The following ESRRG variants were observed in gnomAD, a reference collection of about 807,000 sequenced individuals.
ESRRG encodes estrogen related receptor gamma, also known as estrogen-related receptor gamma.
A neutral mutation model predicts 44.0 loss-of-function variants in ESRRG; 13 were observed. That is an observed-to-expected ratio of 0.30 (90% confidence interval 0.19 to 0.47). The LOEUF (loss-of-function observed/expected upper bound fraction) is 0.47. ESRRG is among the 20% of genes least tolerant of loss of function. The pLI is 1.00. For synonymous variants in ESRRG, 215 were observed against 214.6 expected (o/e 1.00, Z -0.02); for missense variants, 395 against 580.6 (o/e 0.68, Z 3.29).
chr1:217,121,371 T>C (rs1430677622), intron 1 of ESRRG, among the ~76,000 whole-genome samples: 1 of 151,718 alleles, frequency 6.6e-6, no homozygotes, highest in Non-Finnish European at 1.5e-5. Flanking sequence ...CACTGAAGGG[T>C]TGTAAAAAGG....
Position 216,505,804 on chromosome 1 carries a change from T to C in ESRRG, c.*1135A>G, listed in dbSNP as rs2041092040. The C allele has an allele frequency of 6.6e-6, 1 of 152,622 alleles. No individual in the cohort carries two copies. The allele number at this position is 152,622 out of a possible 1,614,324, so 9.5% of individuals were successfully genotyped here. A position where few individuals can be genotyped will look rare whatever the true frequency, so the allele number is the denominator to read the frequency against. On this transcript the variant is annotated 3_prime_UTR_variant, in exon 7 of 7. Coordinates refer to ENST00000408911, the MANE Select transcript of ESRRG (RefSeq NM_001438.4). ...ACAACATAAATTGCATCCGTGATAA[T>C]ATGCACCTTCCCTTCAACTATTGCT...
At chr1:216,759,792 C>T (rs1388909310) in intron 2 of ESRRG, among the ~76,000 whole-genome samples, 5 of 151,914 alleles carry the variant, frequency 3.3e-5, no homozygotes, top group Non-Finnish European at 5.9e-5. Flanking sequence ...GAAGGTCATA[C>T]CTCATTCATA....
intron 2 of ESRRG, among the ~76,000 whole-genome samples, chr1:216,757,506 A>G (rs2092521942): frequency 1.3e-5 from 2 of 152,016 alleles, no homozygotes; most frequent in Admixed American, 1.3e-4. Context: ...AATAAACACT[A>G]TTTCAGTTTT....
intron 3 of ESRRG, among the ~76,000 whole-genome samples, chr1:216,601,172 G>T (rs1030135611): frequency 1.8e-4 from 28 of 152,044 alleles, no homozygotes; most frequent in African/African-American, 6.8e-4. Flanking sequence ...GCTCCCGGGC[G>T]GGCGCTCGGC....
At chr1:216,661,223 G>A (rs1330819902) in intron 2 of ESRRG, among the ~76,000 whole-genome samples, 2 of 152,066 alleles carry the variant, frequency 1.3e-5, no homozygotes, top group Non-Finnish European at 2.9e-5. Flanking sequence ...AGCTCTTATA[G>A]TACACAGATC....
chr1:217,074,340 C>T (rs1371329573), intron 1 of ESRRG, among the ~76,000 whole-genome samples: 5 of 151,618 alleles, frequency 3.3e-5, no homozygotes, highest in Non-Finnish European at 5.9e-5. Context: ...TGAACCACCG[C>T]GCCCAGCCAT....
At chr1:216,608,415 A>G (rs10735489) in intron 3 of ESRRG, among the ~76,000 whole-genome samples, 125,108 of 152,104 alleles carry the variant, frequency 0.82, 51,705 homozygotes, top group African/African-American at 0.87. Flanking sequence ...AGGGGATCAT[A>G]AAGTAAATTT....
intron 2 of ESRRG, among the ~76,000 whole-genome samples, chr1:216,797,017 G>C (rs112358207): frequency 6.6e-6 from 1 of 151,790 alleles, no homozygotes; most frequent in Non-Finnish European, 1.5e-5. Flanking sequence ...TCAGCCTCCC[G>C]AGTAGCTGGG....
chr1:216,834,521 T>C (rs1372388307), intron 2 of ESRRG, among the ~76,000 whole-genome samples: 2 of 152,238 alleles, frequency 1.3e-5, no homozygotes, highest in African/African-American at 4.8e-5. Flanking sequence ...TAGGTATTTT[T>C]CAATGGAGAT....
chr1:216,855,107 TC>T (rs1215503141), intron 2 of ESRRG: 3 of 152,140 alleles, frequency 2.0e-5, no homozygotes, highest in Non-Finnish European at 4.4e-5. Context: ...GAAGAATTTT[TC>T]CCATATATAT....
chr1:216,692,104 A>C (rs1318311426), intron 1 of ESRRG, among the ~76,000 whole-genome samples: 1 of 152,126 alleles, frequency 6.6e-6, no homozygotes, highest in African/African-American at 2.4e-5. Context: ...TACTCCTTCT[A>C]CTTATTAAAA....
intron 1 of ESRRG, among the ~76,000 whole-genome samples, chr1:217,012,042 C>T (rs982373861): frequency 3.9e-5 from 6 of 152,118 alleles, no homozygotes; most frequent in Non-Finnish European, 7.4e-5. Flanking sequence ...TGAAAAGGGA[C>T]TCTTTTTAAG....
intron 3 of ESRRG, among the ~76,000 whole-genome samples, chr1:216,605,435 C>T (rs1250963987): frequency 6.6e-6 from 1 of 151,894 alleles, no homozygotes; most frequent in African/African-American, 2.4e-5. Context: ...AACACATTAG[C>T]CAGTATCTGA....
intron 2 of ESRRG, among the ~76,000 whole-genome samples, chr1:216,782,524 CAA>C (rs1409506219): frequency 6.6e-6 from 1 of 152,040 alleles, no homozygotes; most frequent in Non-Finnish European, 1.5e-5. Flanking sequence ...CTTTGTGAAA[CAA>C]TATGCATTTT....
chr1:216,857,977 C>A (rs2095980044), intron 2 of ESRRG, among the ~76,000 whole-genome samples: 1 of 152,068 alleles, frequency 6.6e-6, no homozygotes, highest in African/African-American at 2.4e-5. Flanking sequence ...CTGAAACCTG[C>A]GAATCTTGGG....
At chr1:216,594,592 GA>G (rs1319229762) in intron 3 of ESRRG, among the ~76,000 whole-genome samples, 1 of 152,112 alleles carries the variant, frequency 6.6e-6, no homozygotes, top group African/African-American at 2.4e-5. Flanking sequence ...AGTGAAATCT[GA>G]GCACTCAATT....
At chr1:216,745,116 T>A (rs2091237760) in intron 2 of ESRRG, among the ~76,000 whole-genome samples, 1 of 152,118 alleles carries the variant, frequency 6.6e-6, no homozygotes, top group African/African-American at 2.4e-5. Flanking sequence ...TGCTATATTC[T>A]TTCACATTTT....
chr1:216,871,654 A>G (rs1012870562), intron 2 of ESRRG, among the ~76,000 whole-genome samples: 2 of 152,008 alleles, frequency 1.3e-5, no homozygotes, highest in Non-Finnish European at 1.5e-5. Context: ...TTTTCAGTGC[A>G]CATTTAGAAT....
At chr1:216,735,175 T>G (rs2089639913) in intron 2 of ESRRG, among the ~76,000 whole-genome samples, 1 of 151,814 alleles carries the variant, frequency 6.6e-6, no homozygotes, top group Non-Finnish European at 1.5e-5. Flanking sequence ...CCCAAAGTGC[T>G]GGGATTACAG....
Sources: gnomAD v4.1 joint callset for allele counts (sites outside exome capture counted in the v4.1 genomes callset) on GRCh38, gnomAD v4.1.1 for gene constraint, MANE v1.5 for transcripts, NCBI Gene and HGNC (gene_info 2026-07-23, HGNC 2026-07-21) for gene names.